Variants in FRMD4A observed in about 807,000 individuals in gnomAD.
FRMD4A encodes FERM domain-containing protein 4A.
FRMD4A carries 29 observed loss-of-function variants against 129.1 expected under a neutral mutation model. The ratio of observed to expected loss-of-function variants is 0.22; its 90% CI spans 0.17 to 0.31. The LOEUF is 0.31. Among genes scored for constraint, FRMD4A ranks in the 10% least tolerant of loss-of-function variants. The pLI is 1.00. For synonymous variants in FRMD4A, 634 were observed against 571.6 expected (o/e 1.11, Z -1.56); for missense variants, 1,272 against 1,375.8 (o/e 0.92, Z 1.19).
chr10:14,022,114 C>T (rs1040027845), intron 2 of FRMD4A, among the ~76,000 whole-genome samples: 1 of 152,140 alleles, frequency 6.6e-6, no homozygotes, highest in African/African-American at 2.4e-5. Flanking sequence ...TTTTGGATCT[C>T]AGGATCACCT....
chr10:14,236,264 T>A (rs1000681946), intron 2 of FRMD4A, among the ~76,000 whole-genome samples: 1 of 152,172 alleles, frequency 6.6e-6, no homozygotes, highest in Non-Finnish European at 1.5e-5. Flanking sequence ...ATCCCATCAG[T>A]AGAATGCACG....
chr10:13,871,402 T>C (rs537734119), intron 2 of FRMD4A, among the ~76,000 whole-genome samples: 2 of 152,300 alleles, frequency 1.3e-5, no homozygotes, highest in South Asian at 4.1e-4. Context: ...TGCCTTGGAA[T>C]GGTTGTTCCT....
Position 13,914,459 on chromosome 10 carries a change from A to C in FRMD4A, c.46-55547T>G, listed in dbSNP as rs141646045. On this transcript the variant is annotated intron_variant, in intron 2 of 24. Coordinates refer to ENST00000357447, the MANE Select transcript of FRMD4A (RefSeq NM_018027.5). ...GTGGCATTCAATATTATTAACAATA[A>C]TAACAGCCGAATTCTAATAAGAGCT... Among the ~76,000 whole-genome samples the C allele has an allele frequency of 7.2e-4, 110 of 152,394 alleles. 1 individual carries two copies. The highest frequency in any genetic ancestry group is 2.6e-3 in the African/African-American group (107 of 41,604).
chr10:14,266,117 T>A (rs1220719089), intron 2 of FRMD4A, among the ~76,000 whole-genome samples: 3 of 136,278 alleles, frequency 2.2e-5, no homozygotes, highest in Non-Finnish European at 4.7e-5. Context: ...TTTCCCAACC[T>A]CGGCACTGCT....
chr10:13,750,234 T>C (rs2091548838), intron 8 of FRMD4A, among the ~76,000 whole-genome samples: 1 of 151,976 alleles, frequency 6.6e-6, no homozygotes, highest in Non-Finnish European at 1.5e-5. Flanking sequence ...GCTCAAAGTG[T>C]AACTGTTTGA....
chr10:13,935,149 A>C (rs1169420152), intron 2 of FRMD4A, among the ~76,000 whole-genome samples: 2 of 152,106 alleles, frequency 1.3e-5, no homozygotes, highest in Non-Finnish European at 2.9e-5. Flanking sequence ...TAGAACTGAA[A>C]ACAAATGGGC....
intron 8 of FRMD4A, among the ~76,000 whole-genome samples, chr10:13,753,877 A>G (rs1294510395): frequency 6.6e-6 from 1 of 152,188 alleles, no homozygotes; most frequent in Non-Finnish European, 1.5e-5. Context: ...TTGTTAAGTT[A>G]TATAAGTAAG....
At chr10:14,293,654 G>A (rs1300362684) in intron 2 of FRMD4A, among the ~76,000 whole-genome samples, 1 of 151,050 alleles carries the variant, frequency 6.6e-6, no homozygotes, top group African/African-American at 2.4e-5. Context: ...GTTGACCAGT[G>A]GTTAGAGATT....
chr10:13,806,996 G>A (rs368802823), intron 4 of FRMD4A, among the ~76,000 whole-genome samples: 8 of 151,952 alleles, frequency 5.3e-5, no homozygotes, highest in East Asian at 3.9e-4. Flanking sequence ...TTTAGTAGAG[G>A]TGGGGTTTCA....
chr10:13,668,325 G>A (rs1174937374), intron 17 of FRMD4A: 2 of 152,342 alleles, frequency 1.3e-5, no homozygotes, highest in East Asian at 3.9e-4. Context: ...TGGGGCAGCT[G>A]TTCCTGAGCT....
intron 15 of FRMD4A, among the ~76,000 whole-genome samples, chr10:13,688,677 C>T (rs965144218): frequency 2.6e-5 from 4 of 152,028 alleles, no homozygotes; most frequent in Non-Finnish European, 5.9e-5. Context: ...ATCCGTGGCT[C>T]AGGGCATTGG....
chr10:13,740,414 C>T (rs2090919129), intron 10 of FRMD4A, 98 bp downstream of exon 10: 1 of 896,960 alleles, frequency 1.1e-6, no homozygotes, highest in Non-Finnish European at 1.9e-6. Flanking sequence ...CCCCCCACTC[C>T]CAGATATGTC....
At chr10:13,742,907 G>C (rs1023981880) in intron 9 of FRMD4A, among the ~76,000 whole-genome samples, 2 of 152,056 alleles carry the variant, frequency 1.3e-5, no homozygotes, top group Admixed American at 1.3e-4. Flanking sequence ...CAGTGTTGGG[G>C]GTAACAGGTT....
intron 2 of FRMD4A, among the ~76,000 whole-genome samples, chr10:14,075,375 C>T (rs1023780094): frequency 2.0e-5 from 3 of 152,164 alleles, no homozygotes; most frequent in Admixed American, 6.5e-5. Context: ...GTTAGAACAA[C>T]ATGATGTGTG....
chr10:13,778,692 C>A (rs1340758444), intron 6 of FRMD4A, among the ~76,000 whole-genome samples: 1 of 151,368 alleles, frequency 6.6e-6, no homozygotes, highest in African/African-American at 2.4e-5. Context: ...ATTTTAAAAT[C>A]CAGGCAGCGG....
At chr10:14,022,513 C>T (rs1218257681) in intron 2 of FRMD4A, among the ~76,000 whole-genome samples, 2 of 152,146 alleles carry the variant, frequency 1.3e-5, no homozygotes, top group Non-Finnish European at 2.9e-5. Flanking sequence ...ATAAACATTG[C>T]ATAATGTTAA....
At chr10:14,309,886 A>G (rs1359182373) in intron 2 of FRMD4A, among the ~76,000 whole-genome samples, 1 of 152,102 alleles carries the variant, frequency 6.6e-6, no homozygotes, top group Non-Finnish European at 1.5e-5. Flanking sequence ...TTTAAATGTA[A>G]AGGCTGAAAG....
intron 13 of FRMD4A, among the ~76,000 whole-genome samples, chr10:13,703,106 T>TC (rs1564648549): frequency 6.6e-6 from 1 of 151,838 alleles, no homozygotes; most frequent in Non-Finnish European, 1.5e-5. Flanking sequence ...GACTTTTTTT[T>TC]CCCCCCAGAA....
chr10:13,674,131 C>T (rs1039882079), intron 16 of FRMD4A, among the ~76,000 whole-genome samples: 5 of 152,160 alleles, frequency 3.3e-5, no homozygotes, highest in Admixed American at 6.5e-5. Context: ...AAGCTAAACA[C>T]CAGATCACAG....
Sources: gnomAD v4.1 joint callset for allele counts (sites outside exome capture counted in the v4.1 genomes callset) on GRCh38, gnomAD v4.1.1 for gene constraint, MANE v1.5 for transcripts, NCBI Gene and HGNC (gene_info 2026-07-23, HGNC 2026-07-21) for gene names.